The following MCEE variants were observed in gnomAD, a reference collection of about 807,000 sequenced individuals.
MCEE encodes the protein methylmalonyl-CoA epimerase, mitochondrial.
In MCEE, 6 loss-of-function variants were observed where a neutral mutation model predicts 12.9. The ratio of observed to expected loss-of-function variants is 0.47; its 90% CI spans 0.26 to 0.92. The LOEUF (loss-of-function observed/expected upper bound fraction) is 0.92. Ranked by LOEUF, MCEE falls within the 40% of genes least tolerant of loss-of-function variation. The probability of loss-of-function intolerance (pLI) is 0.16; values close to 1 mark genes in which losing one functional copy is unlikely to be tolerated. For missense variants in MCEE, 214 were observed against 212.1 expected, an observed-to-expected ratio of 1.01 and a Z score of -0.05; for synonymous variants, 78 against 77.9, an observed-to-expected ratio of 1.00 and a Z score of -0.01.
chr2:71,109,783 T>C lies in MCEE; in HGVS notation c.*187A>G, dbSNP rs1672847992. 2 of 358,916 alleles carry C rather than the reference T, an allele frequency of 5.6e-6. No homozygotes were observed. The highest frequency in any genetic ancestry group is 1.0e-4 in the East Asian group (2 of 19,676). The allele number at this position is 358,916 out of a possible 1,614,324, so 22.2% of individuals were successfully genotyped here. A position where few individuals can be genotyped will look rare whatever the true frequency, so the allele number is the denominator to read the frequency against. ...TCAAATTCAAATTAACAAATATGTT[T>C]GTTAATCTAAATAATATACATATTT... On this transcript the variant is annotated 3_prime_UTR_variant, in exon 3 of 3. Transcript: ENST00000244217.
At chr2:71,128,822 C>G (rs569441362) in intron 1 of MCEE, among the ~76,000 whole-genome samples, 2 of 152,040 alleles carry the variant, frequency 1.3e-5, no homozygotes, top group East Asian at 3.9e-4. Flanking sequence ...AATCTCGTCT[C>G]CACTAAAAAT....
chr2:71,128,123 A>G (rs1673278265), intron 1 of MCEE, among the ~76,000 whole-genome samples: 1 of 152,166 alleles, frequency 6.6e-6, no homozygotes, highest in Admixed American at 6.5e-5. Flanking sequence ...TACAGTAAGT[A>G]AACAGATTAC....
chr2:71,116,548 CT>C (rs200248524), intron 2 of MCEE, among the ~76,000 whole-genome samples: 27,280 of 128,738 alleles, frequency 0.21, 3,172 homozygotes, highest in East Asian at 0.63. Context: ...GAATTCAAAA[CT>C]TTTTTTTTTT....
intron 1 of MCEE, chr2:71,129,925 A>G: frequency 1.7e-6 from 1 of 584,476 alleles, no homozygotes. Flanking sequence ...CCGCCCACAT[A>G]CTGGAAGGTG....
Position 71,109,855 on chromosome 2 carries a change from TTAAC to T in MCEE, c.*111_*114del, listed in dbSNP as rs1672849602. The T allele has an allele frequency of 5.4e-6, 5 of 920,474 alleles. No individual in the cohort carries two copies. The East Asian group carries it at 1.3e-4, about 24-fold the overall frequency. 57.0% of individuals were successfully genotyped at this position (920,474 alleles called of 1,614,324 possible). A position where few individuals can be genotyped will look rare whatever the true frequency, so the allele number is the denominator to read the frequency against. On this transcript the variant is annotated 3_prime_UTR_variant, in exon 3 of 3. Coordinates refer to ENST00000244217, the MANE Select transcript of MCEE (RefSeq NM_032601.4). ...TTTTAATCTTTCTGTAATTCAGTCT[TTAAC>T]TGTGAACTTTTACATGATGGAAGCA...
rs748243791 is a variant in MCEE, at chr2:71,109,698, T to A, written c.*272A>T. On this transcript the variant is annotated 3_prime_UTR_variant, in exon 3 of 3. Transcript: ENST00000244217. ...CAATTACCCCATTGTAGAAGAGGAA[T>A]AATTTATTTCTATATGATTTTAATA... is the stretch of plus-strand genomic sequence containing the variant. 3.5e-5 allele frequency: 8 copies of A among 231,782 alleles called. No homozygotes were observed. Among genetic ancestry groups the A allele is most frequent in the Non-Finnish European group, 4.9e-5 (6 of 121,234 alleles). 14.4% of individuals were successfully genotyped at this position (231,782 alleles called of 1,614,324 possible). A position where few individuals can be genotyped will look rare whatever the true frequency, so the allele number is the denominator to read the frequency against.
chr2:71,129,496 G>A (rs1204034971), intron 1 of MCEE, among the ~76,000 whole-genome samples: 18 of 145,198 alleles, frequency 1.2e-4, no homozygotes, highest in Non-Finnish European at 1.8e-4. Flanking sequence ...AGGAGGAAGA[G>A]AAAAAAAAAA....
chr2:71,112,433 CT>C (rs71400979), intron 2 of MCEE, among the ~76,000 whole-genome samples: 73 of 81,204 alleles, frequency 9.0e-4, no homozygotes, highest in African/African-American at 2.9e-3. Context: ...CTGCACCTGC[CT>C]TTTTTTTTTT....
chr2:71,125,316 C>T (rs1311599779), intron 1 of MCEE, among the ~76,000 whole-genome samples: 1 of 149,278 alleles, frequency 6.7e-6, no homozygotes, highest in East Asian at 2.0e-4. Context: ...TCAAGCGATT[C>T]TCCTGCCTCA....
chr2:71,129,770 A>T (rs925685782), intron 1 of MCEE: 12 of 295,788 alleles, frequency 4.1e-5, no homozygotes, highest in Non-Finnish European at 7.3e-5. Context: ...GCCGACTAGT[A>T]GTTGTTGTTT....
intron 2 of MCEE, among the ~76,000 whole-genome samples, chr2:71,121,748 T>TACCCTGGGGGGTGGGG (rs1385289947): frequency 1.3e-5 from 2 of 152,010 alleles, no homozygotes; most frequent in Admixed American, 6.6e-5. Context: ...GGGGTAGGGC[T>TACCCTGGGGGGTGGGG]TAGACAAACA....
rs1342992417 is a variant in MCEE, at chr2:71,125,205, A to ATT, written c.41-663_41-662insAA. Among the ~76,000 whole-genome samples, 140 of 42,624 alleles carry ATT rather than the reference A, an allele frequency of 3.3e-3. 1 individual carries two copies. The highest frequency in any genetic ancestry group is 0.019 in the Middle Eastern group (1 of 52). The allele number at this position is 42,624 out of a possible 152,430, so 28.0% of individuals were successfully genotyped here. On this transcript the variant is annotated intron_variant, in intron 1 of 2. Transcript: ENST00000244217. Reference sequence around the variant, plus strand: ...TATATATAAATATATATATATATATATATATATTTTTTTTTTTTTTTGAGA... The same window carrying ATT: ...TATATATAAATATATATATATATATATTTATATATTTTTTTTTTTTTTTGAGA...
rs58746349 is a variant in MCEE, at chr2:71,123,492, C to CA, written c.378+713dup. ...TGGGCGACAGAGTAAGACTCCGTCT[C>CA]AAAAAAAAAAAAAAAAAGAAAAGAA... On this transcript the variant is annotated intron_variant, in intron 2 of 2. Transcript: ENST00000244217. Among the ~76,000 whole-genome samples, 272 of 103,730 alleles carry CA rather than the reference C, an allele frequency of 2.6e-3. 1 individual carries two copies. The highest frequency in any genetic ancestry group is 0.02 in the Middle Eastern group (4 of 202). 68.1% of individuals were successfully genotyped at this position (103,730 alleles called of 152,430 possible).
chr2:71,112,463 TCTCA>T (rs1370811531), intron 2 of MCEE, among the ~76,000 whole-genome samples: 3 of 97,930 alleles, frequency 3.1e-5, no homozygotes, highest in Non-Finnish European at 5.7e-5. Flanking sequence ...TGAGACAGAG[TCTCA>T]CTCTGTCACC....
At chr2:71,111,407 T>C (rs1435656937) in intron 2 of MCEE, among the ~76,000 whole-genome samples, 2 of 152,162 alleles carry the variant, frequency 1.3e-5, no homozygotes, top group African/African-American at 2.4e-5. Flanking sequence ...TAAGCTTTTC[T>C]TCTGCTGCGT....
intron 2 of MCEE, among the ~76,000 whole-genome samples, chr2:71,114,679 T>A (rs1268659552): frequency 6.6e-6 from 1 of 152,220 alleles, no homozygotes; most frequent in Non-Finnish European, 1.5e-5. Context: ...AGATTTCCCT[T>A]TAATTTTGAC....
intron 2 of MCEE, among the ~76,000 whole-genome samples, chr2:71,114,758 T>C (rs541802616): frequency 6.6e-6 from 1 of 152,168 alleles, no homozygotes; most frequent in African/African-American, 2.4e-5. Flanking sequence ...CCAAACTGAG[T>C]AAGGGTAAAA....
chr2:71,119,716 C>G lies in MCEE; in HGVS notation c.378+4490G>C, dbSNP rs569862015. On this transcript the variant is annotated intron_variant, in intron 2 of 2. Coordinates refer to ENST00000244217, the MANE Select transcript of MCEE (RefSeq NM_032601.4). The stretch of plus-strand genomic sequence containing the variant: ...TTGTACAGTGAAGGACAGAGTGATA[C>G]CAAAAATACTTAACAATCAGGAAAA... Among the ~76,000 whole-genome samples the G allele has an allele frequency of 1.5e-4, 23 of 150,108 alleles. 1 individual carries two copies. The highest frequency in any genetic ancestry group is 5.6e-4 in the African/African-American group (22 of 39,594).
chr2:71,110,840 A>G (rs1269525767), intron 2 of MCEE: 1 of 152,184 alleles, frequency 6.6e-6, no homozygotes, highest in Non-Finnish European at 1.5e-5. Flanking sequence ...TTGGAAAGTC[A>G]CCCACTTAGA....
Sources: allele counts gnomAD v4.1 joint callset (sites outside exome capture counted in the v4.1 genomes callset), GRCh38; gene constraint gnomAD v4.1.1; transcripts MANE v1.5; gene names NCBI Gene and HGNC (gene_info 2026-07-23, HGNC 2026-07-21).